KCNH5: variants seen among roughly 807,000 people sequenced by gnomAD.
KCNH5 encodes the protein potassium voltage-gated channel subfamily H member 5.
KCNH5 carries 46 observed loss-of-function variants against 96.1 expected under a neutral mutation model. That is an observed-to-expected ratio of 0.48 (90% confidence interval 0.38 to 0.61). The LOEUF (loss-of-function observed/expected upper bound fraction) is 0.61, where lower values mean the gene tolerates loss of function less well. Among genes scored for constraint, KCNH5 ranks in the 20% least tolerant of loss-of-function variants. The pLI is 0.00. For missense variants in KCNH5, 907 were observed against 1,225.8 expected (o/e 0.74, Z 3.88); for synonymous variants, 439 against 449.8 (o/e 0.98, Z 0.30).
intron 9 of KCNH5, among the ~76,000 whole-genome samples, chr14:62,796,105 G>A (rs1886535687): frequency 1.3e-5 from 2 of 152,080 alleles, no homozygotes; most frequent in Non-Finnish European, 1.5e-5. Flanking sequence ...AGCCATGCTC[G>A]TAGTTACATT....
At chr14:62,965,496 A>C (rs1012720296) in intron 6 of KCNH5, among the ~76,000 whole-genome samples, 19 of 151,988 alleles carry the variant, frequency 1.3e-4, no homozygotes, top group Admixed American at 1.1e-3. Context: ...CAGCATGAAA[A>C]CCCTCATCAG....
intron 7 of KCNH5, among the ~76,000 whole-genome samples, chr14:62,910,145 T>TACAC (rs111386925): frequency 0.01 from 1,464 of 144,030 alleles, 15 homozygotes; most frequent in African/African-American, 0.029. Context: ...ACTAACATGT[T>TACAC]ACACACACAC....
chr14:62,898,307 T>C (rs1042500110), intron 7 of KCNH5, among the ~76,000 whole-genome samples: 1 of 152,220 alleles, frequency 6.6e-6, no homozygotes, highest in Non-Finnish European at 1.5e-5. Flanking sequence ...GAATAGATTT[T>C]GTTTTAAAGC....
intron 10 of KCNH5, among the ~76,000 whole-genome samples, chr14:62,735,915 T>C (rs1260416376): frequency 1.3e-5 from 2 of 151,986 alleles, no homozygotes; most frequent in African/African-American, 2.4e-5. Flanking sequence ...GTGGCTGGAG[T>C]GATCCCTCTA....
intron 1 of KCNH5, among the ~76,000 whole-genome samples, chr14:63,021,013 T>C (rs1566543947): frequency 6.6e-6 from 1 of 152,162 alleles, no homozygotes; most frequent in Non-Finnish European, 1.5e-5. Context: ...TTCTTTTATT[T>C]ATAGTATCAA....
At chr14:63,006,764 T>A (rs1447321884) in intron 2 of KCNH5, among the ~76,000 whole-genome samples, 1 of 152,158 alleles carries the variant, frequency 6.6e-6, no homozygotes, top group Non-Finnish European at 1.5e-5. Flanking sequence ...GCTTTGCCAC[T>A]TGATCTTCAG....
At chr14:62,985,485 T>C (rs539056251) in intron 5 of KCNH5, among the ~76,000 whole-genome samples, 313 of 152,328 alleles carry the variant, frequency 2.1e-3, no homozygotes, top group Non-Finnish European at 2.8e-3. Flanking sequence ...GATAAGCGTA[T>C]GGATTTTATC....
intron 8 of KCNH5, among the ~76,000 whole-genome samples, chr14:62,824,975 T>G (rs1443555469): frequency 1.3e-5 from 2 of 152,094 alleles, no homozygotes; most frequent in Non-Finnish European, 2.9e-5. Context: ...TTTCCCATGG[T>G]GTATATGTAT....
intron 6 of KCNH5, among the ~76,000 whole-genome samples, chr14:62,969,946 G>A (rs1890372871): frequency 6.9e-6 from 1 of 144,072 alleles, no homozygotes; most frequent in Admixed American, 7.2e-5. Context: ...CCTGTAGCAT[G>A]AGAATCACTT....
intron 7 of KCNH5, among the ~76,000 whole-genome samples, chr14:62,934,209 C>T (rs1449951546): frequency 6.6e-6 from 1 of 151,496 alleles, no homozygotes; most frequent in African/African-American, 2.4e-5. Flanking sequence ...TCACTGCAAC[C>T]TCCGCCTCCC....
chr14:63,003,867 G>A (rs1419800438), intron 3 of KCNH5, among the ~76,000 whole-genome samples: 1 of 151,344 alleles, frequency 6.6e-6, no homozygotes, highest in African/African-American at 2.4e-5. Context: ...TGATCCGCCC[G>A]CCTCGGCCTT....
chr14:63,043,888 C>T (rs1891871298), intron 1 of KCNH5, among the ~76,000 whole-genome samples: 1 of 152,168 alleles, frequency 6.6e-6, no homozygotes, highest in Non-Finnish European at 1.5e-5. Flanking sequence ...GTACCTCTGT[C>T]TTTCCCTGTG....
At chr14:62,866,198 T>C (rs1888131167) in intron 7 of KCNH5, among the ~76,000 whole-genome samples, 1 of 152,224 alleles carries the variant, frequency 6.6e-6, no homozygotes, top group East Asian at 1.9e-4. Context: ...AGTTAATTGC[T>C]TATGATGAAT....
At chr14:63,010,795 G>A (rs998267155) in intron 2 of KCNH5, among the ~76,000 whole-genome samples, 16 of 152,236 alleles carry the variant, frequency 1.1e-4, no homozygotes, top group African/African-American at 2.2e-4. Flanking sequence ...AGTACCTAGC[G>A]TAAGAATGGC....
rs187523579 is a variant in KCNH5, at chr14:62,992,591, T to G, written c.434-5404A>C. On this transcript the variant is annotated intron_variant, in intron 4 of 10. Transcript: ENST00000322893. ...GATGATTAGTGATGTCAAGTATTTT[T>G]TCATATACTGTTGGCCATTTGTATG... is the stretch of plus-strand genomic sequence containing the variant. 7.3e-3 allele frequency among the ~76,000 whole-genome samples: 1,118 copies of G among 152,262 alleles called. 17 individuals carry two copies. The highest frequency in any genetic ancestry group is 0.025 in the African/African-American group (1,042 of 41,576).
chr14:63,020,399 A>G (rs906225877), intron 1 of KCNH5, among the ~76,000 whole-genome samples: 1 of 152,172 alleles, frequency 6.6e-6, no homozygotes, highest in Admixed American at 6.6e-5. Flanking sequence ...AATTGGAAAC[A>G]ATGCAAATGT....
At chr14:63,022,608 T>C (rs1594679675) in intron 1 of KCNH5, among the ~76,000 whole-genome samples, 2 of 152,148 alleles carry the variant, frequency 1.3e-5, no homozygotes, top group East Asian at 3.9e-4. Flanking sequence ...ACTCTGACCC[T>C]TGCCCACGAT....
At chr14:62,924,493 C>T (rs1889436180) in intron 7 of KCNH5, among the ~76,000 whole-genome samples, 1 of 151,792 alleles carries the variant, frequency 6.6e-6, no homozygotes, top group Non-Finnish European at 1.5e-5. Context: ...GACATGAAAT[C>T]AGTATTTTGA....
chr14:62,716,084 T>A (rs1216238798), intron 10 of KCNH5, among the ~76,000 whole-genome samples: 1 of 152,200 alleles, frequency 6.6e-6, no homozygotes, highest in Non-Finnish European at 1.5e-5. Context: ...TTTTTCACAA[T>A]GAACAAAACA....
Sources: gnomAD v4.1 joint callset for allele counts (sites outside exome capture counted in the v4.1 genomes callset) on GRCh38, gnomAD v4.1.1 for gene constraint, MANE v1.5 for transcripts, NCBI Gene and HGNC (gene_info 2026-07-23, HGNC 2026-07-21) for gene names.